Variants in ATF7IP2 observed in about 807,000 individuals in gnomAD.
The protein encoded by ATF7IP2 is activating transcription factor 7-interacting protein 2.
Under a neutral mutation model 64.2 loss-of-function variants are expected in ATF7IP2, and 42 were observed. That is an observed-to-expected ratio of 0.65 (90% CI 0.51 to 0.85). The LOEUF (loss-of-function observed/expected upper bound fraction) is 0.85, where lower values mean the gene tolerates loss of function less well. Among genes scored for constraint, ATF7IP2 ranks in the 40% least tolerant of loss-of-function variants. ATF7IP2 has a pLI of 0.00. For synonymous variants in ATF7IP2, 308 were observed against 272.8 expected, an observed-to-expected ratio of 1.13 and a Z score of -1.27; for missense variants, 933 against 784.2, an observed-to-expected ratio of 1.19 and a Z score of -2.27.
At chr16:10,464,451 C>G (rs972395241) in intron 9 of ATF7IP2, among the ~76,000 whole-genome samples, 1 of 152,122 alleles carries the variant, frequency 6.6e-6, no homozygotes, top group Non-Finnish European at 1.5e-5. Flanking sequence ...TTAAGCATTT[C>G]TGTTTTTAAA....
intron 6 of ATF7IP2, 148 bp downstream of exon 6, chr16:10,433,797 G>T: frequency 1.2e-6 from 1 of 819,440 alleles, no homozygotes; most frequent in African/African-American, 1.8e-5. Context: ...CAGACAGACT[G>T]GGGAGAGATA....
chr16:10,476,500 T>G (rs1822593), intron 12 of ATF7IP2, among the ~76,000 whole-genome samples: 3,567 of 151,918 alleles, frequency 0.023, 125 homozygotes, highest in Admixed American at 0.078. Context: ...GTGTGTGTGT[T>G]TTTTTTTAAA....
chr16:10,409,819 A>G (rs1174284652), intron 1 of ATF7IP2, among the ~76,000 whole-genome samples: 1 of 152,208 alleles, frequency 6.6e-6, no homozygotes, highest in Non-Finnish European at 1.5e-5. Flanking sequence ...TCCCAACACC[A>G]TGTGTTGAAT....
intron 9 of ATF7IP2, among the ~76,000 whole-genome samples, chr16:10,464,421 G>C (rs909573640): frequency 6.6e-6 from 1 of 152,148 alleles, no homozygotes; most frequent in Non-Finnish European, 1.5e-5. Flanking sequence ...CGTGTCTATA[G>C]TATGGCTAGA....
chr16:10,472,289 G>T (rs4453490), intron 10 of ATF7IP2, 106 bp downstream of exon 10: 389,400 of 523,086 alleles, frequency 0.74, 146,803 homozygotes, highest in African/African-American at 0.95. Flanking sequence ...AAATGAAAAA[G>T]TTAAATGTAC....
chr16:10,405,196 C>G (rs2047612144), intron 1 of ATF7IP2, among the ~76,000 whole-genome samples: 1 of 150,850 alleles, frequency 6.6e-6, no homozygotes, highest in Admixed American at 6.6e-5. Context: ...AACCCGGTCT[C>G]TACTAAAAAA....
At chr16:10,444,175 T>C (rs2048724856) in intron 8 of ATF7IP2, among the ~76,000 whole-genome samples, 1 of 152,210 alleles carries the variant, frequency 6.6e-6, no homozygotes, top group African/African-American at 2.4e-5. Context: ...CAGGTTACAT[T>C]GATAAAATAA....
chr16:10,450,361 G>A (rs961510252), intron 8 of ATF7IP2, among the ~76,000 whole-genome samples: 1 of 152,290 alleles, frequency 6.6e-6, no homozygotes, highest in South Asian at 2.1e-4. Context: ...TTCTAGTCCT[G>A]AGTATCCTTG....
At chr16:10,407,715 T>A (rs369135565) in intron 1 of ATF7IP2, among the ~76,000 whole-genome samples, 3 of 152,148 alleles carry the variant, frequency 2.0e-5, no homozygotes, top group East Asian at 3.8e-4. Context: ...TAGTGGTGAT[T>A]TGTGAGATTT....
In ATF7IP2 at chr16:10,391,107, T is replaced by C. The variant is rs550840641; in HGVS notation, c.-242+4985T>C. ...AAGAGTTCAAGGTTACAGTGAGCTA[T>C]GATCGCGCCATTGCATTCCAGCCTG... On this transcript the variant is annotated intron_variant, in intron 1 of 13. Coordinates refer to ENST00000562102, the MANE Select transcript of ATF7IP2 (RefSeq NM_001393719.1). Among the ~76,000 whole-genome samples, 422 of 151,162 alleles carry C rather than the reference T, an allele frequency of 2.8e-3. 3 individuals carry two copies. Among genetic ancestry groups the C allele is most frequent in the African/African-American group, 9.6e-3 (397 of 41,140 alleles).
chr16:10,435,957 C>A (rs1392328646), intron 6 of ATF7IP2, among the ~76,000 whole-genome samples: 1 of 152,172 alleles, frequency 6.6e-6, no homozygotes, highest in Non-Finnish European at 1.5e-5. Context: ...ATTTGTTTCT[C>A]CAAGATTCAT....
At chr16:10,407,030 G>C (rs2047654629) in intron 1 of ATF7IP2, among the ~76,000 whole-genome samples, 1 of 152,040 alleles carries the variant, frequency 6.6e-6, no homozygotes, top group Non-Finnish European at 1.5e-5. Context: ...AGTGCATGAA[G>C]AAGATTATTA....
intron 1 of ATF7IP2, among the ~76,000 whole-genome samples, chr16:10,413,694 A>T (rs1335043555): frequency 6.6e-6 from 1 of 152,132 alleles, no homozygotes; most frequent in Non-Finnish European, 1.5e-5. Context: ...CAAGATTTAG[A>T]GCTCCTTATA....
intron 9 of ATF7IP2, among the ~76,000 whole-genome samples, chr16:10,467,606 T>C (rs1474394724): frequency 1.3e-5 from 2 of 151,668 alleles, no homozygotes; most frequent in African/African-American, 4.8e-5. Context: ...ATTTTCTCTG[T>C]CACCCAGGCT....
At chr16:10,481,460 T>C (rs1244190687) in intron 13 of ATF7IP2, among the ~76,000 whole-genome samples, 1 of 152,188 alleles carries the variant, frequency 6.6e-6, no homozygotes, top group African/African-American at 2.4e-5. Context: ...AATTTTTGTA[T>C]TTTTAGTAGA....
At chr16:10,463,889 T>G (rs897916522) in intron 9 of ATF7IP2, among the ~76,000 whole-genome samples, 2 of 152,238 alleles carry the variant, frequency 1.3e-5, no homozygotes, top group African/African-American at 4.8e-5. Flanking sequence ...TACAGCCCTC[T>G]TGCCTGGGAT....
intron 8 of ATF7IP2, among the ~76,000 whole-genome samples, chr16:10,450,182 G>A (rs1276962627): frequency 6.6e-6 from 1 of 152,194 alleles, no homozygotes; most frequent in Non-Finnish European, 1.5e-5. Context: ...TGGTCTGAGA[G>A]ACTGTTAGGA....
At chr16:10,440,263 C>CTAGG in intron 7 of ATF7IP2, 101 bp from the exon 8 acceptor site, 1 of 548,240 alleles carries the variant, frequency 1.8e-6, no homozygotes, top group Non-Finnish European at 3.2e-6. Context: ...GGGTAGATGT[C>CTAGG]TAGGTCTTAC....
intron 8 of ATF7IP2, chr16:10,445,623 G>A: frequency 6.6e-6 from 1 of 152,488 alleles, no homozygotes; most frequent in Non-Finnish European, 1.5e-5. Flanking sequence ...TCCTGCCTCA[G>A]CCTCCCAAGT....
Sources: gnomAD v4.1 joint callset for allele counts (sites outside exome capture counted in the v4.1 genomes callset) on GRCh38, gnomAD v4.1.1 for gene constraint, MANE v1.5 for transcripts, NCBI Gene and HGNC (gene_info 2026-07-23, HGNC 2026-07-21) for gene names.